CFAP46: variants seen among roughly 807,000 people sequenced by gnomAD.
CFAP46 encodes the protein cilia and flagella associated protein 46.
Under a neutral mutation model 325.7 loss-of-function variants are expected in CFAP46, and 245 were observed. The observed-to-expected ratio is 0.75, with a 90% CI of 0.68 to 0.84. The LOEUF (loss-of-function observed/expected upper bound fraction) is 0.84. Among genes scored for constraint, CFAP46 ranks in the 40% least tolerant of loss-of-function variants. The pLI is 0.00. For missense variants in CFAP46, 3,346 were observed against 3,543.0 expected (o/e 0.94, Z 1.41); for synonymous variants, 1,523 against 1,495.9 (o/e 1.02, Z -0.42).
At chr10:132,937,260 G>C in intron 6 of CFAP46, 2 of 530,458 alleles carry the variant, frequency 3.8e-6, no homozygotes, top group Non-Finnish European at 6.5e-6. Context: ...GTATCTTTGT[G>C]AATTTTCTAT....
At chr10:132,899,494 G>C (rs928927958) in intron 23 of CFAP46, 41 bp downstream of exon 23, 1 of 1,516,620 alleles carries the variant, frequency 6.6e-7, no homozygotes, top group African/African-American at 1.4e-5. Flanking sequence ...CGCACGGCCG[G>C]GGAGGGACAG....
intron 44 of CFAP46, among the ~76,000 whole-genome samples, chr10:132,837,391 G>A (rs1848270068): frequency 6.7e-6 from 1 of 150,124 alleles, no homozygotes; most frequent in Admixed American, 6.6e-5. Flanking sequence ...ACAGATGCAC[G>A]TGTACATGGA....
intron 25 of CFAP46, among the ~76,000 whole-genome samples, chr10:132,890,290 C>G (rs776682647): frequency 2.6e-4 from 39 of 152,200 alleles, no homozygotes; most frequent in Non-Finnish European, 5.9e-5. Flanking sequence ...TCCCCAGTGC[C>G]CTGATCCACA....
At position 132,891,306 on chromosome 10, in the gene CFAP46, C is replaced by T. The variant is rs576301379; in HGVS notation, c.3304+1027G>A. On this transcript the variant is annotated intron_variant, in intron 25 of 57. Transcript: ENST00000368586. ...GGCCTTCTGAAGTATGCCTGAAAAA[C>T]GAGTTTGGTGGGGTCGGGGGTGGTA... Among the ~76,000 whole-genome samples the T allele has an allele frequency of 5.3e-5, 8 of 152,258 alleles. No homozygotes were observed. In the East Asian group the frequency reaches 7.7e-4, roughly 15 times the overall value.
intron 50 of CFAP46, among the ~76,000 whole-genome samples, chr10:132,823,457 G>T (rs371692915): frequency 8.5e-3 from 969 of 114,668 alleles, no homozygotes; most frequent in African/African-American, 0.011. Flanking sequence ...GATGTGTGTT[G>T]TGTGTGCTGT....
chr10:132,810,260 T>C (rs1044699673), intron 57 of CFAP46, 149 bp downstream of exon 57: 2 of 725,254 alleles, frequency 2.8e-6, no homozygotes, highest in African/African-American at 3.5e-5. Flanking sequence ...CCTCCCTCTT[T>C]CCGGCTCCTA....
At chr10:132,902,283 T>C (rs1052973539) in intron 22 of CFAP46, among the ~76,000 whole-genome samples, 1 of 151,654 alleles carries the variant, frequency 6.6e-6, no homozygotes, top group South Asian at 2.1e-4. Context: ...GACGGAAAGC[T>C]CTGTGGCCCC....
intron 54 of CFAP46, 109 bp downstream of exon 54, chr10:132,814,043 C>T: frequency 1.3e-6 from 1 of 768,186 alleles, no homozygotes; most frequent in Non-Finnish European, 2.2e-6. Flanking sequence ...CTGTATGTGG[C>T]AGGACTGGCA....
intron 55 of CFAP46, among the ~76,000 whole-genome samples, chr10:132,811,303 TC>T (rs1459342876): frequency 6.6e-6 from 1 of 152,058 alleles, no homozygotes; most frequent in Non-Finnish European, 1.5e-5. Context: ...CCACCTGGGC[TC>T]CCCCAGCCTC....
At chr10:132,841,038 T>A (rs1848338349) in intron 44 of CFAP46, among the ~76,000 whole-genome samples, 1 of 152,184 alleles carries the variant, frequency 6.6e-6, no homozygotes, top group Non-Finnish European at 1.5e-5. Context: ...AACCATTAAT[T>A]AGATCAATCC....
Position 132,867,386 on chromosome 10 carries a change from C to T in CFAP46, c.4732G>A (p.Ala1578Thr), listed in dbSNP as rs1402942818. 3.4e-5 allele frequency: 52 copies of T among 1,549,716 alleles called. No homozygotes were observed. Among genetic ancestry groups the T allele is most frequent in the Non-Finnish European group, 4.0e-5 (46 of 1,146,832 alleles). Residue 1578 changes from alanine to threonine, a missense_variant, in exon 34 of 58, where the codon GCC (alanine) becomes ACC (threonine). Ala to Thr is a moderately conservative substitution (Grantham distance 58). Transcript: ENST00000368586. ...GACGGTGAGGTTACCTTGTCCTTGG[C>T]GTCCAGTGGTTTGATCTCCCCAGGC... ...VQPGEIKPLDAKDKILKMNGE... is the reference protein window; with the variant it reads ...VQPGEIKPLDTKDKILKMNGE...
In CFAP46 at chr10:132,939,972, C is replaced by A. The variant is rs1055113314; in HGVS notation, c.371+1024G>T. The stretch of plus-strand genomic sequence containing the variant: ...CCTGACCTCTGGCAAGGCTCTGTCA[C>A]CCCCTGACCCGTCCACAGTGCCCCT... On this transcript the variant is annotated intron_variant, in intron 4 of 57. Coordinates refer to ENST00000368586, the MANE Select transcript of CFAP46 (RefSeq NM_001200049.3). This position sits in a 1 kb window ranked among gnomAD's most constrained non-coding sequence, Gnocchi z 4.6. Among the ~76,000 whole-genome samples the A allele has an allele frequency of 6.6e-6, 1 of 152,168 alleles. No individual in the cohort carries two copies. Among genetic ancestry groups the A allele is most frequent in the Non-Finnish European group, 1.5e-5 (1 of 68,028 alleles).
rs183615152 is a variant in CFAP46 at position 132,816,196 on chromosome 10, G to A, written c.7118-1282C>T. Among the ~76,000 whole-genome samples the A allele has an allele frequency of 3.4e-3, 512 of 151,680 alleles. 1 individual carries two copies. Among genetic ancestry groups the A allele is most frequent in the African/African-American group, 0.01 (431 of 41,336 alleles). The stretch of plus-strand genomic sequence containing the variant: ...GTTCTCCTGTCGCTGCTGGTGCGTC[G>A]TTAGCGCTGTGTCTTTCCGTTTCTG... On this transcript the variant is annotated intron_variant, in intron 50 of 57. Transcript: ENST00000368586.
rs1258926028 is a variant in CFAP46, at chr10:132,889,504, C to T, written c.3304+2829G>A. 6.6e-6 allele frequency among the ~76,000 whole-genome samples: 1 copy of T among 152,190 alleles called. No homozygotes were observed. The highest frequency in any genetic ancestry group is 6.5e-5 in the Admixed American group (1 of 15,288). On this transcript the variant is annotated intron_variant, in intron 25 of 57. Transcript: ENST00000368586. The surrounding 1 kb of genome is among the most constrained non-coding windows in gnomAD (Gnocchi z 6.0). ...TTGGGAACCCTGAGCCCTGCTTCCT[C>T]CTGCTTGAATTCATTAAACCAGGGT...
chr10:132,814,844 C>G lies in CFAP46; in HGVS notation c.7188G>C (p.Lys2396Asn). ...KKRSLAKKGR[K>N]GSIPRTIPPD... ...TCCCCTATCACAGGCCCCCACCCAC[C>G]TTCCTGCCCTTCTTCGCTAGGCTTC... The change falls in exon 51 of 58, where the codon AAG becomes AAC. Residue 2396 changes from lysine to asparagine, a missense_variant and splice_region_variant. Coordinates refer to ENST00000368586, the MANE Select transcript of CFAP46 (RefSeq NM_001200049.3). The G allele has an allele frequency of 6.2e-7, 1 of 1,614,212 alleles. No individual in the cohort carries two copies. Among genetic ancestry groups the G allele is most frequent in the Non-Finnish European group, 8.5e-7 (1 of 1,180,012 alleles).
Position 132,828,741 on chromosome 10 carries a change from C to T in CFAP46, c.7117+4617G>A, listed in dbSNP as rs992737896. Among the ~76,000 whole-genome samples the T allele has an allele frequency of 6.6e-6, 1 of 152,140 alleles. No individual in the cohort carries two copies. Among genetic ancestry groups the T allele is most frequent in the Non-Finnish European group, 1.5e-5 (1 of 68,044 alleles). Reference sequence around the variant, plus strand: ...AGGGTCTTTGGTCTCGGATCCATTTCGAGCTGATTTTCCTGCGTGGCGTGC... The same window carrying T: ...AGGGTCTTTGGTCTCGGATCCATTTTGAGCTGATTTTCCTGCGTGGCGTGC... On this transcript the variant is annotated intron_variant, in intron 50 of 57. Transcript: ENST00000368586. The surrounding 1 kb of genome is among the most constrained non-coding windows in gnomAD (Gnocchi z 4.9).
In CFAP46 at chr10:132,920,165, T is replaced by C. The variant is rs1305306519; in HGVS notation, c.1624A>G (p.Arg542Gly). ...GCACAGAGGTAGGTGAACCGGCCCC[T>C]GTTCTTCCCGGTGGAGACTGAGGGC... ...NEAKVSTGKN[R>G]GRFTYLCAKA... Residue 542 changes from arginine (R) to glycine (G), a missense_variant, in exon 14 of 58, where the codon AGG becomes GGG. Transcript: ENST00000368586. 5 of 1,544,200 alleles carry C rather than the reference T, an allele frequency of 3.2e-6. No homozygotes were observed. The highest frequency in any genetic ancestry group is 4.4e-6 in the Non-Finnish European group (5 of 1,144,484).
chr10:132,915,708 C>T (rs757664553), intron 17 of CFAP46, among the ~76,000 whole-genome samples: 1 of 152,232 alleles, frequency 6.6e-6, no homozygotes, highest in African/African-American at 2.4e-5. Context: ...GTGTGCTTGA[C>T]GCAGCTGCAT....
intron 55 of CFAP46, among the ~76,000 whole-genome samples, chr10:132,812,231 G>A (rs1313662051): frequency 1.3e-5 from 2 of 152,220 alleles, no homozygotes; most frequent in Non-Finnish European, 2.9e-5. Context: ...CTGTGCTCAC[G>A]CCACGCCCCC....
Sources: allele counts gnomAD v4.1 joint callset (sites outside exome capture counted in the v4.1 genomes callset), GRCh38; gene constraint gnomAD v4.1.1; non-coding constraint Gnocchi (gnomAD v3.1); transcripts MANE v1.5; gene names NCBI Gene and HGNC (gene_info 2026-07-23, HGNC 2026-07-21).